KIRREL3: variants seen among roughly 807,000 people sequenced by gnomAD.
KIRREL3 encodes the protein kirre like nephrin family adhesion molecule 3.
A neutral mutation model predicts 89.7 loss-of-function variants in KIRREL3; 36 were observed. The observed-to-expected ratio is 0.40, with a 90% CI of 0.31 to 0.53. The LOEUF (loss-of-function observed/expected upper bound fraction) is 0.53. Ranked by LOEUF, KIRREL3 falls within the 20% of genes least tolerant of loss-of-function variation. KIRREL3 has a pLI of 0.49. For missense variants in KIRREL3, 864 were observed against 1,056.6 expected, an observed-to-expected ratio of 0.82 and a Z score of 2.53; for synonymous variants, 445 against 441.4, an observed-to-expected ratio of 1.01 and a Z score of -0.10.
In KIRREL3 at chr11:126,641,250, C is replaced by T. The variant is rs1944457093; in HGVS notation, c.56-78338G>A. On this transcript the variant is annotated intron_variant, in intron 1 of 16. Coordinates refer to ENST00000525144, the MANE Select transcript of KIRREL3 (RefSeq NM_032531.4). This position sits in a 1 kb window ranked among gnomAD's most constrained non-coding sequence, Gnocchi z 5.0. Reference sequence around the variant, plus strand: ...TGTCTCAAAATATATTATAAACCAACCACCTCTCACCACTTCCTCTGCTAC... The same window carrying T: ...TGTCTCAAAATATATTATAAACCAATCACCTCTCACCACTTCCTCTGCTAC... Among the ~76,000 whole-genome samples, 1 of 152,176 alleles carries T rather than the reference C, an allele frequency of 6.6e-6. No individual in the cohort carries two copies. Among genetic ancestry groups the T allele is most frequent in the Non-Finnish European group, 1.5e-5 (1 of 68,054 alleles).
At chr11:126,435,053 G>C (rs1285167391) in intron 13 of KIRREL3, among the ~76,000 whole-genome samples, 3 of 152,136 alleles carry the variant, frequency 2.0e-5, no homozygotes, top group Non-Finnish European at 4.4e-5. Flanking sequence ...GGTTCCGGCG[G>C]CAGGCAGGAG....
rs1222124703 is a variant in KIRREL3 at position 126,569,795 on chromosome 11, TGG to T, written c.56-6885_56-6884del. 6.6e-6 allele frequency among the ~76,000 whole-genome samples: 1 copy of T among 152,160 alleles called. No individual in the cohort carries two copies. Among genetic ancestry groups the T allele is most frequent in the Non-Finnish European group, 1.5e-5 (1 of 68,034 alleles). On this transcript the variant is annotated intron_variant, in intron 1 of 16. Coordinates refer to ENST00000525144, the MANE Select transcript of KIRREL3 (RefSeq NM_032531.4). This position sits in a 1 kb window ranked among gnomAD's most constrained non-coding sequence, Gnocchi z 6.5. Reference sequence around the variant, plus strand: ...ATTGTCCCTAGTTTTGTCTTAGTTTTGGATGTCTACCAATGGCCCTCTCATTG... The same window carrying T: ...ATTGTCCCTAGTTTTGTCTTAGTTTTATGTCTACCAATGGCCCTCTCATTG...
Position 126,485,719 on chromosome 11 carries a change from C to T in KIRREL3, c.434-12253G>A, listed in dbSNP as rs1221931423. Among the ~76,000 whole-genome samples the T allele has an allele frequency of 3.9e-5, 6 of 152,206 alleles. No homozygotes were observed. The highest frequency in any genetic ancestry group is 1.9e-4 in the East Asian group (1 of 5,206). The stretch of plus-strand genomic sequence containing the variant: ...GCATGTGAAATGGGCTTGTTTCCAC[C>T]TCTTGTTCTGCTATTACCTTGTTCC... On this transcript the variant is annotated intron_variant, in intron 4 of 16. Transcript: ENST00000525144. The surrounding 1 kb of genome is among the most constrained non-coding windows in gnomAD (Gnocchi z 5.8).
chr11:126,915,823 A>C (rs1019580624), intron 1 of KIRREL3, among the ~76,000 whole-genome samples: 1 of 152,170 alleles, frequency 6.6e-6, no homozygotes, highest in Non-Finnish European at 1.5e-5. Context: ...AGCATTTCAC[A>C]TTCTCTTATT....
rs936629478 is a variant in KIRREL3, at chr11:126,715,232, C to G, written c.56-152320G>C. Among the ~76,000 whole-genome samples the G allele has an allele frequency of 2.0e-5, 3 of 152,210 alleles. No individual in the cohort carries two copies. The highest frequency in any genetic ancestry group is 7.2e-5 in the African/African-American group (3 of 41,436). ...ATCAGTTGAGAAAAACAGTCTTGAGCTACTCAGGCTATCCCCATCTATTTT... is the reference window on the plus strand; with the variant it reads ...ATCAGTTGAGAAAAACAGTCTTGAGGTACTCAGGCTATCCCCATCTATTTT... On this transcript the variant is annotated intron_variant, in intron 1 of 16. Transcript: ENST00000525144. The surrounding 1 kb of genome is among the most constrained non-coding windows in gnomAD (Gnocchi z 4.4).
chr11:126,452,819 C>T (rs113510071), intron 7 of KIRREL3, among the ~76,000 whole-genome samples: 3 of 152,140 alleles, frequency 2.0e-5, no homozygotes, highest in African/African-American at 7.2e-5. Context: ...CCTCAGGACC[C>T]GACAGAGCCC....
In KIRREL3 at chr11:126,635,352, A is replaced by G. The variant is rs1368155374; in HGVS notation, c.56-72440T>C. Among the ~76,000 whole-genome samples, 1 of 152,230 alleles carries G rather than the reference A, an allele frequency of 6.6e-6. No individual in the cohort carries two copies. The highest frequency in any genetic ancestry group is 2.4e-5 in the African/African-American group (1 of 41,454). On this transcript the variant is annotated intron_variant, in intron 1 of 16. Transcript: ENST00000525144. This position sits in a 1 kb window ranked among gnomAD's most constrained non-coding sequence, Gnocchi z 4.0. Reference sequence around the variant, plus strand: ...TTTCCTCCCTGGTCCCACATAGGTGAGTGATATATACAGAGGTTAGACCTC... The same window carrying G: ...TTTCCTCCCTGGTCCCACATAGGTGGGTGATATATACAGAGGTTAGACCTC...
chr11:126,724,632 A>G lies in KIRREL3; in HGVS notation c.56-161720T>C, dbSNP rs2134177923. On this transcript the variant is annotated intron_variant, in intron 1 of 16. Transcript: ENST00000525144. This position sits in a 1 kb window ranked among gnomAD's most constrained non-coding sequence, Gnocchi z 4.3. ...TGTAGATATGTCATGTCGAGATTGA[A>G]TTCAGGTATAGTTTTAGCTGCCTTC... 6.6e-6 allele frequency among the ~76,000 whole-genome samples: 1 copy of G among 152,292 alleles called. No homozygotes were observed.
intron 1 of KIRREL3, among the ~76,000 whole-genome samples, chr11:126,581,610 T>C (rs1941558936): frequency 6.6e-6 from 1 of 152,204 alleles, no homozygotes; most frequent in East Asian, 1.9e-4. Context: ...GTGGAATGAA[T>C]ACATCAATGA....
intron 1 of KIRREL3, among the ~76,000 whole-genome samples, chr11:126,818,175 G>T (rs977277418): frequency 1.3e-5 from 2 of 152,210 alleles, no homozygotes; most frequent in African/African-American, 2.4e-5. Context: ...TGCACAGCCA[G>T]GACAGAAGCC....
At chr11:126,963,488 C>T (rs1259801729) in intron 1 of KIRREL3, among the ~76,000 whole-genome samples, 1 of 152,180 alleles carries the variant, frequency 6.6e-6, no homozygotes, top group Non-Finnish European at 1.5e-5. Context: ...GTTTTACATA[C>T]ATTTATTCTA....
At chr11:126,859,847 C>T (rs764195111) in intron 1 of KIRREL3, among the ~76,000 whole-genome samples, 8 of 152,194 alleles carry the variant, frequency 5.3e-5, no homozygotes, top group Non-Finnish European at 1.0e-4. Context: ...CCAACCTTAA[C>T]CTGAGTCTTG....
At chr11:126,801,117 A>T (rs892629288) in intron 1 of KIRREL3, among the ~76,000 whole-genome samples, 3 of 152,212 alleles carry the variant, frequency 2.0e-5, no homozygotes, top group African/African-American at 7.2e-5. Flanking sequence ...AAAAAGATGT[A>T]GATTTATGGT....
At chr11:126,472,717 A>AGAGAGAGAG (rs1956930135) in intron 5 of KIRREL3, among the ~76,000 whole-genome samples, 1 of 151,864 alleles carries the variant, frequency 6.6e-6, no homozygotes, top group African/African-American at 2.4e-5. Flanking sequence ...AGAGAGAGAG[A>AGAGAGAGAG]GAGAGAGAGA....
In KIRREL3 at chr11:126,924,954, G is replaced by A. The variant is rs1459211201; in HGVS notation, c.55+75501C>T. 7.1e-6 allele frequency among the ~76,000 whole-genome samples: 1 copy of A among 140,564 alleles called. No homozygotes were observed. The highest frequency in any genetic ancestry group is 1.5e-5 in the Non-Finnish European group (1 of 65,750). 92.2% of individuals were successfully genotyped at this position (140,564 alleles called of 152,430 possible). On this transcript the variant is annotated intron_variant, in intron 1 of 16. Coordinates refer to ENST00000525144, the MANE Select transcript of KIRREL3 (RefSeq NM_032531.4). The surrounding 1 kb of genome is among the most constrained non-coding windows in gnomAD (Gnocchi z 4.7). ...ATGTGTGTGTGTGTGTGTTGCAGTGGAGGAGGTTGGGATAAAATTGAAAAA... is the reference window on the plus strand; with the variant it reads ...ATGTGTGTGTGTGTGTGTTGCAGTGAAGGAGGTTGGGATAAAATTGAAAAA...
In KIRREL3 at chr11:126,622,460, C is replaced by G. The variant is rs916537062; in HGVS notation, c.56-59548G>C. ...GGAAGGGTAGCTACTGATGAGCCTT[C>G]CCTGCAGCAATTGTGTCCCAAGATC... is the stretch of plus-strand genomic sequence containing the variant. On this transcript the variant is annotated intron_variant, in intron 1 of 16. Coordinates refer to ENST00000525144, the MANE Select transcript of KIRREL3 (RefSeq NM_032531.4). This position sits in a 1 kb window ranked among gnomAD's most constrained non-coding sequence, Gnocchi z 5.2. Among the ~76,000 whole-genome samples, 12 of 152,148 alleles carry G rather than the reference C, an allele frequency of 7.9e-5. No homozygotes were observed. The highest frequency in any genetic ancestry group is 1.5e-4 in the Non-Finnish European group (10 of 68,030).
intron 1 of KIRREL3, among the ~76,000 whole-genome samples, chr11:126,972,181 A>AGAGAGAGAGAGAGAGAGAGG: frequency 6.6e-6 from 1 of 151,442 alleles, no homozygotes; most frequent in African/African-American, 2.4e-5. Flanking sequence ...AGAGAGAGAG[A>AGAGAGAGAGAGAGAGAGAGG]GAGAGAGAGA....
chr11:126,453,207 G>A (rs867044250), intron 7 of KIRREL3, among the ~76,000 whole-genome samples: 4 of 152,134 alleles, frequency 2.6e-5, no homozygotes, highest in Admixed American at 6.5e-5. Context: ...GGGGGCTGGC[G>A]TGTCACAGCC....
rs1459030825 is a variant in KIRREL3, at chr11:126,977,112, C to CT, written c.55+23342dup. Among the ~76,000 whole-genome samples the CT allele has an allele frequency of 2.6e-5, 4 of 151,848 alleles. No individual in the cohort carries two copies. Among genetic ancestry groups the CT allele is most frequent in the Admixed American group, 6.6e-5 (1 of 15,260 alleles). On this transcript the variant is annotated intron_variant, in intron 1 of 16. Coordinates refer to ENST00000525144, the MANE Select transcript of KIRREL3 (RefSeq NM_032531.4). The surrounding 1 kb of genome is among the most constrained non-coding windows in gnomAD (Gnocchi z 4.7). The stretch of plus-strand genomic sequence containing the variant: ...AAAAAAATCTCTCTTTTCCTTTTTT[C>CT]TTTTTCTGCAGGCTTCAGCTCCTTC...
Sources: gnomAD v4.1 joint callset for allele counts (sites outside exome capture counted in the v4.1 genomes callset) on GRCh38, gnomAD v4.1.1 for gene constraint, Gnocchi (gnomAD v3.1) non-coding constraint, MANE v1.5 for transcripts, NCBI Gene and HGNC (gene_info 2026-07-23, HGNC 2026-07-21) for gene names.